Variants in CLVS2 observed in about 807,000 individuals in gnomAD.
CLVS2 encodes the protein clavesin-2.
Under a neutral mutation model 29.0 loss-of-function variants are expected in CLVS2, and 19 were observed. The observed-to-expected ratio is 0.66, with a 90% CI of 0.46 to 0.96. The LOEUF is 0.96. CLVS2 is among the 40% of genes least tolerant of loss of function. The probability of loss-of-function intolerance (pLI) is 0.00; values close to 1 mark genes in which losing one functional copy is unlikely to be tolerated. For synonymous variants in CLVS2, 161 were observed against 151.3 expected, an observed-to-expected ratio of 1.06 and a Z score of -0.47; for missense variants, 294 against 404.1, an observed-to-expected ratio of 0.73 and a Z score of 2.34.
intron 4 of CLVS2, 142 bp from the exon 5 acceptor site, chr6:123,055,664 A>G (rs1772683362): frequency 1.6e-6 from 1 of 644,486 alleles, no homozygotes; most frequent in Admixed American, 2.4e-5. Context: ...TGTTTTACAG[A>G]GTAGATGACT....
chr6:123,015,089 G>T (rs867865627), intron 3 of CLVS2, among the ~76,000 whole-genome samples: 10 of 152,010 alleles, frequency 6.6e-5, no homozygotes, highest in Admixed American at 1.3e-4. Context: ...CAACATTGGG[G>T]AAGTACTCTG....
chr6:123,055,682 G>C, intron 4 of CLVS2, 124 bp from the exon 5 acceptor site: 2 of 693,324 alleles, frequency 2.9e-6, no homozygotes, highest in Non-Finnish European at 5.1e-6. Flanking sequence ...ACTGGCTAAA[G>C]TACTTTAACA....
chr6:123,022,609 C>A (rs916813405), intron 3 of CLVS2, among the ~76,000 whole-genome samples: 2 of 151,878 alleles, frequency 1.3e-5, no homozygotes, highest in Non-Finnish European at 2.9e-5. Flanking sequence ...CTTTTTCCCC[C>A]CCCAGGGTAA....
intron 2 of CLVS2, among the ~76,000 whole-genome samples, chr6:123,004,609 G>A (rs1774636208): frequency 6.6e-6 from 1 of 152,108 alleles, no homozygotes; most frequent in Non-Finnish European, 1.5e-5. Context: ...TATATATTAT[G>A]CTACCATGAA....
chr6:123,005,108 A>AT (rs1207263094), intron 2 of CLVS2, among the ~76,000 whole-genome samples: 11 of 152,244 alleles, frequency 7.2e-5, no homozygotes, highest in African/African-American at 2.4e-4. Context: ...AAACTGTTTA[A>AT]TTTTCTCTGA....
chr6:123,039,874 G>T (rs1258922016), intron 3 of CLVS2, among the ~76,000 whole-genome samples: 2 of 152,128 alleles, frequency 1.3e-5, no homozygotes, highest in African/African-American at 4.8e-5. Context: ...CCTCTTTCAA[G>T]GGAGAATATT....
intron 3 of CLVS2, among the ~76,000 whole-genome samples, chr6:123,038,214 T>C (rs1775181407): frequency 6.6e-6 from 1 of 152,156 alleles, no homozygotes; most frequent in Non-Finnish European, 1.5e-5. Context: ...TCTTCCCTCA[T>C]CCCTCCAACT....
chr6:123,031,876 T>C (rs1019407024), intron 3 of CLVS2, among the ~76,000 whole-genome samples: 2 of 152,060 alleles, frequency 1.3e-5, no homozygotes, highest in African/African-American at 4.8e-5. Flanking sequence ...TAATATTATG[T>C]CATGTAAGAT....
intron 3 of CLVS2, 27 bp from the exon 4 acceptor site, chr6:123,048,595 A>G: frequency 6.8e-7 from 1 of 1,461,974 alleles, no homozygotes. Context: ...GCATATTTTG[A>G]TTGTTTTTTT....
At chr6:123,018,713 C>A (rs979273380) in intron 3 of CLVS2, among the ~76,000 whole-genome samples, 4 of 129,240 alleles carry the variant, frequency 3.1e-5, no homozygotes, top group Non-Finnish European at 6.7e-5. Context: ...ATTTTCTTCT[C>A]TTCTGCATTT....
At chr6:123,018,049 T>C (rs1774862537) in intron 3 of CLVS2, among the ~76,000 whole-genome samples, 1 of 152,064 alleles carries the variant, frequency 6.6e-6, no homozygotes, top group Non-Finnish European at 1.5e-5. Context: ...ATAGAACAAT[T>C]GAAGTAACAC....
At chr6:123,013,654 A>T (rs923242246) in intron 3 of CLVS2, among the ~76,000 whole-genome samples, 3 of 151,362 alleles carry the variant, frequency 2.0e-5, no homozygotes, top group Non-Finnish European at 2.9e-5. Context: ...ATTTTATTTT[A>T]TTTTTTTATT....
At chr6:123,049,973 G>A (rs1005654202) in intron 4 of CLVS2, among the ~76,000 whole-genome samples, 5 of 152,032 alleles carry the variant, frequency 3.3e-5, no homozygotes, top group Admixed American at 1.3e-4. Flanking sequence ...ATAATTACAC[G>A]TCTATATCAA....
chr6:123,013,088 GTTCCGTTGTGACA>G (rs2114310310), intron 3 of CLVS2, among the ~76,000 whole-genome samples: 1 of 152,152 alleles, frequency 6.6e-6, no homozygotes, highest in Admixed American at 6.6e-5. Context: ...TGCTAGAAAT[GTTCCGTTGTGACA>G]TGCATGATCT....
intron 3 of CLVS2, among the ~76,000 whole-genome samples, chr6:123,017,079 C>CATGTGTGT (rs1168770534): frequency 8.8e-6 from 1 of 113,624 alleles, no homozygotes; most frequent in African/African-American, 3.5e-5. Flanking sequence ...TTTGAAATTG[C>CATGTGTGT]ATGTGTGTAT....
rs1013862908 is a variant in CLVS2 at position 123,072,852 on chromosome 6, G to T, written c.*9091G>T. ...AATATTTTATTTCTTTTTTTGCAGA[G>T]AAACTATTGTCTTTTTTGATTTCTG... On this transcript the variant is annotated 3_prime_UTR_variant, in exon 6 of 6. Transcript: ENST00000275162. 2.0e-5 allele frequency: 3 copies of T among 151,880 alleles called. No individual in the cohort carries two copies. The highest frequency in any genetic ancestry group is 2.0e-4 in the Admixed American group (3 of 15,232). The allele number at this position is 151,880 out of a possible 1,614,324, so 9.4% of individuals were successfully genotyped here.
intron 3 of CLVS2, among the ~76,000 whole-genome samples, chr6:123,018,684 T>TA (rs1562165843): frequency 8.9e-6 from 1 of 112,292 alleles, no homozygotes; most frequent in Admixed American, 8.9e-5. Flanking sequence ...TTTTTTTTTT[T>TA]TAAAAAAAAG....
intron 3 of CLVS2, among the ~76,000 whole-genome samples, chr6:123,011,693 T>C (rs1774750036): frequency 1.3e-5 from 2 of 151,924 alleles, no homozygotes; most frequent in South Asian, 2.1e-4. Context: ...TATATAGGAA[T>C]AGTGCTTCTT....
Position 123,024,083 on chromosome 6 carries a change from C to G in CLVS2, c.564+12924C>G, listed in dbSNP as rs140922377. Among the ~76,000 whole-genome samples the G allele has an allele frequency of 9.4e-4, 143 of 152,166 alleles. 3 individuals are homozygous for G. The East Asian group carries it at 0.025, about 27-fold the overall frequency. ...ATATAATGTAATTAATCAGCCAAACCTGGCACATCATACAAAACTCACCAA... is the reference window on the plus strand; with the variant it reads ...ATATAATGTAATTAATCAGCCAAACGTGGCACATCATACAAAACTCACCAA... On this transcript the variant is annotated intron_variant, in intron 3 of 5. Coordinates refer to ENST00000275162, the MANE Select transcript of CLVS2 (RefSeq NM_001010852.4).
Sources: allele counts gnomAD v4.1 joint callset (sites outside exome capture counted in the v4.1 genomes callset), GRCh38; gene constraint gnomAD v4.1.1; transcripts MANE v1.5; gene names NCBI Gene and HGNC (gene_info 2026-07-23, HGNC 2026-07-21).